FGF14: variants seen among roughly 807,000 people sequenced by gnomAD.
FGF14 encodes the protein fibroblast growth factor homologous factor 4.
Under a neutral mutation model 25.5 loss-of-function variants are expected in FGF14, and 5 were observed. That is an observed-to-expected ratio of 0.20 (90% CI 0.10 to 0.41). FGF14 has a LOEUF of 0.41. Ranked by LOEUF, FGF14 falls within the 10% of genes least tolerant of loss-of-function variation. The pLI is 1.00. For synonymous variants in FGF14, 138 were observed against 118.3 expected (o/e 1.17, Z -1.08); for missense variants, 222 against 320.1 (o/e 0.69, Z 2.34).
At chr13:102,059,593 G>A (rs943352897) in intron 1 of FGF14, among the ~76,000 whole-genome samples, 4 of 152,218 alleles carry the variant, frequency 2.6e-5, no homozygotes, top group African/African-American at 9.6e-5. Context: ...ACTCACGCCT[G>A]TAATCCCAGC....
At chr13:101,873,137 G>T (rs2045205829) in intron 2 of FGF14, among the ~76,000 whole-genome samples, 1 of 152,012 alleles carries the variant, frequency 6.6e-6, no homozygotes. Context: ...CTGTATGTGT[G>T]CACATAATAA....
chr13:101,763,783 C>T (rs2038205140), intron 3 of FGF14, among the ~76,000 whole-genome samples: 1 of 152,106 alleles, frequency 6.6e-6, no homozygotes, highest in Admixed American at 6.6e-5. Context: ...TGGCTTGAAC[C>T]TGGGAGGCGG....
chr13:101,816,586 T>A (rs1594355515), intron 3 of FGF14, among the ~76,000 whole-genome samples: 1 of 152,094 alleles, frequency 6.6e-6, no homozygotes, highest in East Asian at 1.9e-4. Flanking sequence ...AAGCAGTAAT[T>A]TACTTGGACT....
chr13:101,921,305 T>C (rs548883340), upstream of FGF14, among the ~76,000 whole-genome samples: 2 of 152,268 alleles, frequency 1.3e-5, no homozygotes, highest in South Asian at 2.1e-4. Flanking sequence ...AATTGTTGAA[T>C]AAAGAGAGAG....
intron 1 of FGF14, among the ~76,000 whole-genome samples, chr13:102,339,913 C>A (rs1412804165): frequency 6.6e-6 from 1 of 152,102 alleles, no homozygotes; most frequent in Admixed American, 6.6e-5. Context: ...TAAGCACTCA[C>A]CACAATTCAT....
rs143050875 is a variant in FGF14, at chr13:101,970,950, T to C, written c.209-95654A>G. Reference sequence around the variant, plus strand: ...CAAAATGATATTTAAGAGTCAACCATCTGGCCCTTCTCTGAGTCTCATATT... The same window carrying C: ...CAAAATGATATTTAAGAGTCAACCACCTGGCCCTTCTCTGAGTCTCATATT... On this transcript the variant is annotated intron_variant, in intron 1 of 4. Transcript: ENST00000376131. 2.1e-3 allele frequency among the ~76,000 whole-genome samples: 327 copies of C among 152,264 alleles called. 2 individuals carry two copies. Among genetic ancestry groups the C allele is most frequent in the African/African-American group, 7.5e-3 (310 of 41,560 alleles).
At chr13:101,777,665 T>C (rs1404004624) in intron 3 of FGF14, among the ~76,000 whole-genome samples, 1 of 152,196 alleles carries the variant, frequency 6.6e-6, no homozygotes, top group African/African-American at 2.4e-5. Context: ...GAATCTAAAA[T>C]AACATTAATT....
In FGF14 at chr13:101,781,415, C is replaced by T. The variant is rs181989852; in HGVS notation, c.409-54605G>A. Reference sequence around the variant, plus strand: ...GCTGTGCCTGATCACGATAGAAACTCAAAGACTAAATGAATACATGAGTGT... The same window carrying T: ...GCTGTGCCTGATCACGATAGAAACTTAAAGACTAAATGAATACATGAGTGT... On this transcript the variant is annotated intron_variant, in intron 3 of 4. Coordinates refer to ENST00000376143, the MANE Select transcript of FGF14 (RefSeq NM_004115.4). Among the ~76,000 whole-genome samples the T allele has an allele frequency of 3.5e-3, 540 of 152,242 alleles. 3 individuals carry two copies. Among genetic ancestry groups the T allele is most frequent in the South Asian group, 0.011 (51 of 4,818 alleles).
At chr13:102,401,871 G>T (rs1304040471), upstream of FGF14, 2 of 619,412 alleles carry the variant, frequency 3.2e-6, no homozygotes, top group Admixed American at 5.4e-5. Context: ...GAAAAGCAAA[G>T]AGATCCCAAC....
chr13:102,001,663 G>T (rs2039502289), intron 1 of FGF14, among the ~76,000 whole-genome samples: 1 of 152,194 alleles, frequency 6.6e-6, no homozygotes, highest in South Asian at 2.1e-4. Flanking sequence ...AGGGACATAA[G>T]TCCTATGCCA....
At chr13:101,829,105 C>T (rs977041063) in intron 3 of FGF14, among the ~76,000 whole-genome samples, 6 of 152,054 alleles carry the variant, frequency 3.9e-5, no homozygotes, top group African/African-American at 1.2e-4. Flanking sequence ...TAAGCACTGA[C>T]ATCCAGGAAT....
chr13:102,319,120 T>C (rs2056146486), intron 1 of FGF14, among the ~76,000 whole-genome samples: 1 of 152,214 alleles, frequency 6.6e-6, no homozygotes, highest in Admixed American at 6.5e-5. Flanking sequence ...TGGAGTGCTA[T>C]AAATAGCAGT....
intron 1 of FGF14, among the ~76,000 whole-genome samples, chr13:102,227,987 AACTCTGCATATGAT>A (rs1449589423): frequency 6.6e-6 from 1 of 152,190 alleles, no homozygotes; most frequent in Non-Finnish European, 1.5e-5. Context: ...TACCAAGGGA[AACTCTGCATATGAT>A]ACTCTTCATT....
rs565443275 is a variant in FGF14 at position 101,717,266 on chromosome 13, A to G, written c.*5565T>C. On this transcript the variant is annotated 3_prime_UTR_variant, in exon 5 of 5. Transcript: ENST00000376143. The stretch of plus-strand genomic sequence containing the variant: ...GAACATTTAACTGATCCTGATTTTT[A>G]TAGTACTAACAATGTTCTCATAATG... 6.6e-6 allele frequency: 1 copy of G among 152,260 alleles called. No homozygotes were observed. The highest frequency in any genetic ancestry group is 1.9e-4 in the East Asian group (1 of 5,164). 9.4% of individuals were successfully genotyped at this position (152,260 alleles called of 1,614,324 possible). A position where few individuals can be genotyped will look rare whatever the true frequency, so the allele number is the denominator to read the frequency against.
intron 1 of FGF14, among the ~76,000 whole-genome samples, chr13:101,890,825 G>A (rs776673448): frequency 2.0e-5 from 3 of 152,160 alleles, no homozygotes; most frequent in African/African-American, 4.8e-5. Flanking sequence ...GACGGGATTG[G>A]GGGTGGAGGA....
chr13:102,046,912 T>A (rs2042009431), intron 1 of FGF14, among the ~76,000 whole-genome samples: 1 of 152,168 alleles, frequency 6.6e-6, no homozygotes, highest in African/African-American at 2.4e-5. Context: ...CATAATTACT[T>A]AAGAAAAAAA....
At position 101,721,458 on chromosome 13, in the gene FGF14, T is replaced by TGA. The variant is rs2034978670; in HGVS notation, c.*1372_*1373insTC. 1 of 152,018 alleles carries TGA rather than the reference T, an allele frequency of 6.6e-6. No homozygotes were observed. The highest frequency in any genetic ancestry group is 1.5e-5 in the Non-Finnish European group (1 of 67,986). 9.4% of individuals were successfully genotyped at this position (152,018 alleles called of 1,614,324 possible). On this transcript the variant is annotated 3_prime_UTR_variant, in exon 5 of 5. Transcript: ENST00000376143. ...GGTTTGCCTTTATTTTCATCTAGGA[T>TGA]AATTCAACAGACTGTATTCTGAGAT...
intron 1 of FGF14, among the ~76,000 whole-genome samples, chr13:102,224,154 T>G (rs1263365640): frequency 6.6e-6 from 1 of 152,142 alleles, no homozygotes; most frequent in African/African-American, 2.4e-5. Context: ...TCATTATTAA[T>G]AGTAAAAATT....
chr13:102,214,784 T>A (rs2050303069), intron 1 of FGF14, among the ~76,000 whole-genome samples: 1 of 152,144 alleles, frequency 6.6e-6, no homozygotes, highest in Non-Finnish European at 1.5e-5. Flanking sequence ...TGGGTAGGGG[T>A]CAGAGATGCA....
Sources: allele counts gnomAD v4.1 joint callset (sites outside exome capture counted in the v4.1 genomes callset), GRCh38; gene constraint gnomAD v4.1.1; transcripts MANE v1.5; gene names NCBI Gene and HGNC (gene_info 2026-07-23, HGNC 2026-07-21).